CYP7B1: variants seen among roughly 807,000 people sequenced by gnomAD.
CYP7B1 encodes cytochrome P450 7B1.
CYP7B1 carries 29 observed loss-of-function variants against 42.7 expected under a neutral mutation model. The observed-to-expected ratio is 0.68, with a 90% confidence interval of 0.51 to 0.93. The LOEUF (loss-of-function observed/expected upper bound fraction) is 0.93. Ranked by LOEUF, CYP7B1 falls within the 40% of genes least tolerant of loss-of-function variation. The pLI, the probability that CYP7B1 is intolerant of heterozygous loss-of-function variation, is 0.00. For synonymous variants in CYP7B1, 235 were observed against 218.2 expected, an observed-to-expected ratio of 1.08 and a Z score of -0.68; for missense variants, 655 against 600.5, an observed-to-expected ratio of 1.09 and a Z score of -0.95.
rs531401372 is a variant in CYP7B1, at chr8:64,599,252, G to A, written c.1234-2323C>T. 5.3e-5 allele frequency among the ~76,000 whole-genome samples: 8 copies of A among 151,994 alleles called. No individual in the cohort carries two copies. The South Asian group carries it at 1.5e-3, about 28-fold the overall frequency. On this transcript the variant is annotated intron_variant, in intron 5 of 5. Coordinates refer to ENST00000310193, the MANE Select transcript of CYP7B1 (RefSeq NM_004820.5). Reference sequence around the variant, plus strand: ...CGCCCAGGTTGGAGTGCAGTGGCGCGATCTCGGCTCACTGCAAGCTCTGCC... The same window carrying A: ...CGCCCAGGTTGGAGTGCAGTGGCGCAATCTCGGCTCACTGCAAGCTCTGCC...
chr8:64,709,011 T>TG (rs1478902407), intron 1 of CYP7B1, among the ~76,000 whole-genome samples: 1 of 152,184 alleles, frequency 6.6e-6, no homozygotes, highest in East Asian at 1.9e-4. Flanking sequence ...TATCTAACTG[T>TG]GGGCAACAGT....
At chr8:64,795,835 A>G (rs1804694951) in intron 1 of CYP7B1, among the ~76,000 whole-genome samples, 1 of 152,214 alleles carries the variant, frequency 6.6e-6, no homozygotes, top group Non-Finnish European at 1.5e-5. Context: ...TGACAGTCTC[A>G]CCAGATAATA....
intron 1 of CYP7B1, among the ~76,000 whole-genome samples, chr8:64,737,217 C>A (rs929637279): frequency 6.6e-6 from 1 of 152,204 alleles, no homozygotes; most frequent in African/African-American, 2.4e-5. Context: ...ATCCTCTGGT[C>A]TCAGCCTCCC....
chr8:64,743,952 T>C (rs114401806), intron 1 of CYP7B1, among the ~76,000 whole-genome samples: 2,220 of 152,320 alleles, frequency 0.015, 62 homozygotes, highest in African/African-American at 0.049. Context: ...TATTCTTTGG[T>C]GGCTCACATG....
At chr8:64,759,579 T>A (rs2129633675) in intron 1 of CYP7B1, among the ~76,000 whole-genome samples, 1 of 152,330 alleles carries the variant, frequency 6.6e-6, no homozygotes, top group Middle Eastern at 3.4e-3. Flanking sequence ...TTATTTTTTT[T>A]AATATGGAGA....
chr8:64,677,705 G>GT (rs1444215526), intron 1 of CYP7B1, among the ~76,000 whole-genome samples: 14 of 97,488 alleles, frequency 1.4e-4, no homozygotes, highest in East Asian at 3.2e-4. Context: ...CACACTCCTT[G>GT]GTTTTTTTTT....
rs1407767893 is a variant in CYP7B1 at position 64,592,893 on chromosome 8, T to G, written c.*3749A>C. ...ATTTGTCCAGGACATGTTTTTCTAT[T>G]TGTAAATACTATTTAGTTACTGGAT... On this transcript the variant is annotated 3_prime_UTR_variant, in exon 6 of 6. Coordinates refer to ENST00000310193, the MANE Select transcript of CYP7B1 (RefSeq NM_004820.5). Among the ~76,000 whole-genome samples the G allele has an allele frequency of 6.6e-6, 1 of 152,354 alleles. No homozygotes were observed. The highest frequency in any genetic ancestry group is 1.9e-4 in the East Asian group (1 of 5,194).
intron 1 of CYP7B1, among the ~76,000 whole-genome samples, chr8:64,744,730 C>T (rs1392862494): frequency 6.6e-6 from 1 of 152,108 alleles, no homozygotes; most frequent in Admixed American, 6.6e-5. Flanking sequence ...TTCTGGTTTT[C>T]ACTGCAATAT....
At chr8:64,598,770 A>T (rs765982447) in intron 5 of CYP7B1, among the ~76,000 whole-genome samples, 1 of 152,242 alleles carries the variant, frequency 6.6e-6, no homozygotes, top group East Asian at 1.9e-4. Context: ...GAGCAACACC[A>T]TCCCTCTAGT....
intron 1 of CYP7B1, among the ~76,000 whole-genome samples, chr8:64,773,865 C>A (rs1187230269): frequency 6.6e-6 from 1 of 152,188 alleles, no homozygotes; most frequent in East Asian, 1.9e-4. Flanking sequence ...CAATAAATAA[C>A]CCACTCCCAT....
At chr8:64,773,336 A>G (rs1804266275) in intron 1 of CYP7B1, among the ~76,000 whole-genome samples, 1 of 152,206 alleles carries the variant, frequency 6.6e-6, no homozygotes, top group South Asian at 2.1e-4. Flanking sequence ...TAGATAGGGC[A>G]AATAGCTGCA....
chr8:64,731,058 G>A (rs1184000149), intron 1 of CYP7B1, among the ~76,000 whole-genome samples: 1 of 152,094 alleles, frequency 6.6e-6, no homozygotes, highest in Non-Finnish European at 1.5e-5. Context: ...GTTTTCTGAG[G>A]CCTCTCCAGC....
intron 1 of CYP7B1, among the ~76,000 whole-genome samples, chr8:64,762,937 TA>T (rs1203963624): frequency 1.3e-5 from 2 of 152,164 alleles, no homozygotes; most frequent in Non-Finnish European, 2.9e-5. Flanking sequence ...AGAAGGTGAA[TA>T]AAAAAGTGTT....
intron 1 of CYP7B1, among the ~76,000 whole-genome samples, chr8:64,636,258 C>T (rs1457579454): frequency 2.6e-5 from 4 of 152,140 alleles, no homozygotes; most frequent in Non-Finnish European, 5.9e-5. Context: ...CACTGTGTGG[C>T]TCAGCTCCCA....
intron 1 of CYP7B1, among the ~76,000 whole-genome samples, chr8:64,762,891 A>C (rs1807909939): frequency 6.6e-6 from 1 of 152,266 alleles, no homozygotes; most frequent in Non-Finnish European, 1.5e-5. Context: ...ATCAGTAGAT[A>C]AATAGGTACA....
At chr8:64,629,747 G>A (rs1473686776) in intron 1 of CYP7B1, among the ~76,000 whole-genome samples, 1 of 152,102 alleles carries the variant, frequency 6.6e-6, no homozygotes, top group Non-Finnish European at 1.5e-5. Flanking sequence ...CTTTATCCCC[G>A]CACACTTCTT....
intron 5 of CYP7B1, among the ~76,000 whole-genome samples, chr8:64,601,688 T>C (rs1266107858): frequency 6.6e-6 from 1 of 152,226 alleles, no homozygotes; most frequent in Admixed American, 6.5e-5. Flanking sequence ...TATTGTAAGA[T>C]ATTGTGTTTT....
Position 64,596,649 on chromosome 8 carries a change from TTC to T in CYP7B1, c.1512_1513del (p.Lys505IlefsTer17). On this transcript the variant is annotated frameshift_variant, in exon 6 of 6. Coordinates refer to ENST00000310193, the MANE Select transcript of CYP7B1 (RefSeq NM_004820.5). LOFTEE classifies it high-confidence loss of function. ...TCTTTCCTTTTAGCTTCTCTAAGAT[TTC>T]ACTTTGTATCTAAATAAAACATCAG... 1 of 1,612,272 alleles carries T rather than the reference TTC, an allele frequency of 6.2e-7. No homozygotes were observed. Among genetic ancestry groups the T allele is most frequent in the Non-Finnish European group, 8.5e-7 (1 of 1,178,996 alleles).
intron 1 of CYP7B1, among the ~76,000 whole-genome samples, chr8:64,628,303 C>T (rs1161090387): frequency 2.0e-5 from 3 of 152,140 alleles, no homozygotes; most frequent in Non-Finnish European, 4.4e-5. Flanking sequence ...AGTTGTAGGG[C>T]ACATCTTAAA....
Sources: gnomAD v4.1 joint callset for allele counts (sites outside exome capture counted in the v4.1 genomes callset) on GRCh38, gnomAD v4.1.1 for gene constraint, MANE v1.5 for transcripts, NCBI Gene and HGNC (gene_info 2026-07-23, HGNC 2026-07-21) for gene names.